Variants in FIG4 observed in about 807,000 individuals in gnomAD.
FIG4 encodes polyphosphoinositide phosphatase.
Under a neutral mutation model 118.6 loss-of-function variants are expected in FIG4, and 112 were observed. The observed-to-expected ratio is 0.94, with a 90% CI of 0.81 to 1.11. The LOEUF (loss-of-function observed/expected upper bound fraction) is 1.11, where lower values mean the gene tolerates loss of function less well. Ranked by LOEUF, FIG4 falls within the 50% of genes least tolerant of loss-of-function variation. The pLI, the probability that FIG4 is intolerant of heterozygous loss-of-function variation, is 0.00. For missense variants in FIG4, 969 were observed against 1,111.7 expected, an observed-to-expected ratio of 0.87 and a Z score of 1.83; for synonymous variants, 369 against 381.2, an observed-to-expected ratio of 0.97 and a Z score of 0.37.
At chr6:109,721,792 A>G (rs975449660) in intron 3 of FIG4, among the ~76,000 whole-genome samples, 1 of 152,204 alleles carries the variant, frequency 6.6e-6, no homozygotes, top group Non-Finnish European at 1.5e-5. Context: ...TCTCATTTAT[A>G]ATATACTGAA....
At chr6:109,697,654 G>A (rs1774771661) in intron 1 of FIG4, among the ~76,000 whole-genome samples, 1 of 152,122 alleles carries the variant, frequency 6.6e-6, no homozygotes. Flanking sequence ...TTCTTACACA[G>A]GTTAGCCCTG....
intron 11 of FIG4, among the ~76,000 whole-genome samples, chr6:109,761,178 C>T (rs549951327): frequency 1.3e-5 from 2 of 152,048 alleles, no homozygotes; most frequent in South Asian, 2.1e-4. Context: ...AAGTTATTGC[C>T]ATTCATATTA....
At chr6:109,705,838 G>A (rs1002774101) in intron 1 of FIG4, among the ~76,000 whole-genome samples, 8 of 152,218 alleles carry the variant, frequency 5.3e-5, no homozygotes, top group South Asian at 4.1e-4. Context: ...ACCTAAAATA[G>A]AAGTTAAAAT....
intron 11 of FIG4, 28 bp downstream of exon 11, chr6:109,760,411 G>T (rs979076562): frequency 6.3e-7 from 1 of 1,597,148 alleles, no homozygotes; most frequent in Non-Finnish European, 8.6e-7. Context: ...GTCTGGCTAT[G>T]ATCGTTTCCT....
chr6:109,735,390 C>A, intron 6 of FIG4, 92 bp downstream of exon 6: 1 of 1,256,104 alleles, frequency 8.0e-7, no homozygotes, highest in Non-Finnish European at 1.2e-6. Flanking sequence ...CATATTTGTC[C>A]ATCCCTCTTT....
At chr6:109,799,899 C>T (rs1778384278) in intron 22 of FIG4, among the ~76,000 whole-genome samples, 1 of 152,174 alleles carries the variant, frequency 6.6e-6, no homozygotes, top group Non-Finnish European at 1.5e-5. Flanking sequence ...GGACCCCTCC[C>T]TGTGAGTCAT....
rs763181761 is a variant in FIG4, at chr6:109,765,191, T to C, written c.1583+30T>C. On this transcript the variant is annotated intron_variant, in intron 14 of 22. Coordinates refer to ENST00000230124, the MANE Select transcript of FIG4 (RefSeq NM_014845.6). ...GTCTTATTTTTTGCTATTTGAATGC[T>C]GATAATGGCAGAAGGCAAACCTGGT... 1.9e-6 allele frequency: 3 copies of C among 1,605,216 alleles called. No homozygotes were observed. In the South Asian group the frequency reaches 3.3e-5, roughly 18 times the overall value.
At chr6:109,779,717 G>A (rs2128395087) in intron 16 of FIG4, among the ~76,000 whole-genome samples, 1 of 152,244 alleles carries the variant, frequency 6.6e-6, no homozygotes, top group African/African-American at 2.4e-5. Flanking sequence ...ACTTTCTAGT[G>A]TCACCCACCT....
intron 7 of FIG4, among the ~76,000 whole-genome samples, chr6:109,740,210 G>A (rs925187373): frequency 6.6e-6 from 1 of 152,092 alleles, no homozygotes; most frequent in Non-Finnish European, 1.5e-5. Context: ...AAGCTGTTTT[G>A]TATTTCCAAG....
chr6:109,814,322 G>C (rs1046469741), intron 22 of FIG4, among the ~76,000 whole-genome samples: 9 of 141,492 alleles, frequency 6.4e-5, no homozygotes, highest in Admixed American at 2.2e-4. Flanking sequence ...AATTTTTTTT[G>C]TAGAGATGGG....
At position 109,825,378 on chromosome 6, in the gene FIG4, T is replaced by C; in HGVS notation, c.*113T>C. The C allele has an allele frequency of 1.0e-6, 1 of 979,322 alleles. No individual in the cohort carries two copies. Among genetic ancestry groups the C allele is most frequent in the Non-Finnish European group, 1.6e-6 (1 of 633,614 alleles). The allele number at this position is 979,322 out of a possible 1,614,324, so 60.7% of individuals were successfully genotyped here. On this transcript the variant is annotated 3_prime_UTR_variant, in exon 23 of 23. Transcript: ENST00000230124. ...TTTGCGTCTGAAGCCTTTCTCCTTT[T>C]CTGTCACTTGCAAATTCCAAATTAT...
rs562369952 is a variant in FIG4 at position 109,705,096 on chromosome 6, A to G, written c.67-9982A>G. Among the ~76,000 whole-genome samples, 3 of 152,138 alleles carry G rather than the reference A, an allele frequency of 2.0e-5. No individual in the cohort carries two copies. The South Asian group carries it at 6.2e-4, about 32-fold the overall frequency. ...TCTGTTGTCTTTGAAGATTTTTTTA[A>G]ATTAAAAATTGGGAAAAAAATCAAC... On this transcript the variant is annotated intron_variant, in intron 1 of 22. Coordinates refer to ENST00000230124, the MANE Select transcript of FIG4 (RefSeq NM_014845.6).
At chr6:109,807,943 G>T (rs1217315039) in intron 22 of FIG4, among the ~76,000 whole-genome samples, 1 of 152,068 alleles carries the variant, frequency 6.6e-6, no homozygotes, top group African/African-American at 2.4e-5. Flanking sequence ...CCTCTGTTCT[G>T]AACAGAGCAG....
intron 3 of FIG4, among the ~76,000 whole-genome samples, chr6:109,724,295 A>G (rs1775716728): frequency 6.6e-6 from 1 of 152,278 alleles, no homozygotes; most frequent in Admixed American, 6.5e-5. Flanking sequence ...TCCATTAACT[A>G]ATATTTCATG....
chr6:109,803,901 A>G (rs1261833366), intron 22 of FIG4, among the ~76,000 whole-genome samples: 1 of 151,870 alleles, frequency 6.6e-6, no homozygotes, highest in Admixed American at 6.6e-5. Flanking sequence ...AGGGACATGG[A>G]TGAAGCTGGA....
intron 1 of FIG4, among the ~76,000 whole-genome samples, chr6:109,707,452 CAT>C (rs1775122466): frequency 6.7e-6 from 1 of 148,570 alleles, no homozygotes; most frequent in African/African-American, 2.5e-5. Flanking sequence ...TATATATACA[CAT>C]ATATACACAT....
At chr6:109,707,756 A>G (rs1432436477) in intron 1 of FIG4, among the ~76,000 whole-genome samples, 2 of 151,986 alleles carry the variant, frequency 1.3e-5, no homozygotes, top group African/African-American at 2.4e-5. Flanking sequence ...TATATGTCCA[A>G]TAGTAAATGG....
intron 22 of FIG4, among the ~76,000 whole-genome samples, chr6:109,803,170 C>T (rs1450791616): frequency 3.9e-5 from 6 of 151,964 alleles, no homozygotes; most frequent in Admixed American, 3.9e-4. Flanking sequence ...ATCAGGGGAG[C>T]GATAGGCTTA....
intron 16 of FIG4, among the ~76,000 whole-genome samples, chr6:109,784,438 T>C (rs1203967262): frequency 6.6e-6 from 1 of 152,212 alleles, no homozygotes; most frequent in Non-Finnish European, 1.5e-5. Context: ...TAAGGGAACT[T>C]GTTCGTTAGG....
Sources: gnomAD v4.1 joint callset for allele counts (sites outside exome capture counted in the v4.1 genomes callset) on GRCh38, gnomAD v4.1.1 for gene constraint, MANE v1.5 for transcripts, NCBI Gene and HGNC (gene_info 2026-07-23, HGNC 2026-07-21) for gene names.